The following FANCI variants were observed in gnomAD, a reference collection of about 807,000 sequenced individuals.
FANCI encodes Fanconi anemia group I protein.
Under a neutral mutation model 176.1 loss-of-function variants are expected in FANCI, and 156 were observed. The observed-to-expected ratio is 0.89, with a 90% CI of 0.78 to 1.01. FANCI has a LOEUF of 1.01. FANCI is among the 50% of genes least tolerant of loss of function. The pLI, the probability that FANCI is intolerant of heterozygous loss-of-function variation, is 0.00. For missense variants in FANCI, 1,678 were observed against 1,534.1 expected, an observed-to-expected ratio of 1.09 and a Z score of -1.57; for synonymous variants, 613 against 541.7, an observed-to-expected ratio of 1.13 and a Z score of -1.83.
At chr15:89,302,451 A>G (rs1213678741) in intron 27 of FANCI, among the ~76,000 whole-genome samples, 1 of 152,230 alleles carries the variant, frequency 6.6e-6, no homozygotes. Flanking sequence ...AAATGGATTT[A>G]GGAAGGCTAA....
chr15:89,310,423 A>G (rs2054908824), intron 34 of FANCI, among the ~76,000 whole-genome samples: 1 of 152,028 alleles, frequency 6.6e-6, no homozygotes, highest in Non-Finnish European at 1.5e-5. Flanking sequence ...ATTTTCAAGC[A>G]TTTTCTTCTG....
At chr15:89,248,626 T>C (rs2052095653) in intron 2 of FANCI, among the ~76,000 whole-genome samples, 1 of 152,228 alleles carries the variant, frequency 6.6e-6, no homozygotes. Context: ...CAAGATTTGA[T>C]TGAAACTAGC....
intron 2 of FANCI, among the ~76,000 whole-genome samples, chr15:89,257,451 A>G (rs1010748646): frequency 2.6e-5 from 4 of 152,166 alleles, no homozygotes; most frequent in Non-Finnish European, 4.4e-5. Flanking sequence ...TTTGAGGGCT[A>G]TGAGAATTTG....
intron 24 of FANCI, among the ~76,000 whole-genome samples, chr15:89,299,362 A>C (rs965564275): frequency 4.6e-5 from 7 of 152,166 alleles, no homozygotes; most frequent in Admixed American, 6.5e-5. Context: ...TTCTTCCAGG[A>C]AATAGGAGAG....
Position 89,295,097 on chromosome 15 carries a change from A to G in FANCI, c.2636+3A>G, listed in dbSNP as rs2054202681. 1.9e-6 allele frequency: 3 copies of G among 1,551,238 alleles called. No individual in the cohort carries two copies. The highest frequency in any genetic ancestry group is 2.6e-6 in the Non-Finnish European group (3 of 1,146,910). The stretch of plus-strand genomic sequence containing the variant: ...CAGAACCTCTGTGACATAACTCGGT[A>G]AGCCACTCCCACCCCTTAGAAACTT... On this transcript the variant is annotated splice_donor_region_variant and intron_variant, in intron 24 of 37. Coordinates refer to ENST00000310775, the MANE Select transcript of FANCI (RefSeq NM_001113378.2).
At chr15:89,311,466 G>C (rs946761378) in intron 34 of FANCI, among the ~76,000 whole-genome samples, 1 of 152,024 alleles carries the variant, frequency 6.6e-6, no homozygotes, top group Non-Finnish European at 1.5e-5. Context: ...CTGCCCGCCC[G>C]GATCAGTTGG....
chr15:89,315,444 C>T, intron 37 of FANCI, 55 bp downstream of exon 37: 1 of 1,244,138 alleles, frequency 8.0e-7, no homozygotes, highest in Non-Finnish European at 1.2e-6. Flanking sequence ...GGTTAGCAGC[C>T]TATCTGGGAG....
chr15:89,301,212 G>T, intron 26 of FANCI, 114 bp from the exon 27 acceptor site: 1 of 790,940 alleles, frequency 1.3e-6, no homozygotes, highest in Non-Finnish European at 2.3e-6. Flanking sequence ...TTAGAATTTT[G>T]GTAGCTTTGA....
rs1412967316 is a variant in FANCI at position 89,312,907 on chromosome 15, A to G, written c.3655A>G (p.Lys1219Glu). Reference protein sequence around the residue: ...CYSFISYVQNKSKSLNYTGEK... With the variant: ...CYSFISYVQNESKSLNYTGEK... ...GAATGTGTTTCTATTTCTTTAGAAT[A>G]AGAGTAAGAGCCTGAACTATACGGG... Residue 1219 changes from lysine to glutamate, a missense_variant, in exon 35 of 38, where the codon AAG becomes GAG. By Grantham distance (56) the Lys-to-Glu change is moderately conservative. Around this residue, in one of 3 missense-constraint regions of FANCI, gnomAD observed 1,204 missense variants for 1,077.4 expected, o/e 1.12. Transcript: ENST00000310775. 6.2e-7 allele frequency: 1 copy of G among 1,612,732 alleles called. No individual in the cohort carries two copies. The highest frequency in any genetic ancestry group is 8.5e-7 in the Non-Finnish European group (1 of 1,178,800).
intron 24 of FANCI, among the ~76,000 whole-genome samples, chr15:89,297,178 G>GGGC (rs1555448507): frequency 6.7e-6 from 1 of 149,530 alleles, no homozygotes; most frequent in Non-Finnish European, 1.5e-5. Flanking sequence ...CCGGGCAGAG[G>GGGC]TGCTCCTCAC....
intron 17 of FANCI, 91 bp from the exon 18 acceptor site, chr15:89,285,005 A>C (rs2053760723): frequency 6.4e-7 from 1 of 1,560,600 alleles, no homozygotes; most frequent in African/African-American, 1.4e-5. Flanking sequence ...GAGGAAGCTA[A>C]GTTTTTTCGA....
Position 89,293,894 on chromosome 15 carries a change from C to G in FANCI, c.2353C>G (p.Leu785Val). The change falls in exon 23 of 38, where the codon CTT (leucine) becomes GTT (valine). Residue 785 changes from leucine to valine, a missense_variant. Transcript: ENST00000310775. ...FMCYKKLSDI[L>V]NEKAGKAKTK... is the part of the protein sequence containing the mutation. ...GTGTTACAAAAAACTCTCTGACATT[C>G]TTAATGAAAAAGCGGGTAAAGCCAA... 6.2e-7 allele frequency: 1 copy of G among 1,614,072 alleles called. No individual in the cohort carries two copies. Among genetic ancestry groups the G allele is most frequent in the Non-Finnish European group, 8.5e-7 (1 of 1,179,982 alleles).
intron 27 of FANCI, among the ~76,000 whole-genome samples, chr15:89,303,419 CCTT>C: frequency 6.6e-6 from 1 of 152,058 alleles, no homozygotes; most frequent in Non-Finnish European, 1.5e-5. Flanking sequence ...TTTTTTCTGC[CCTT>C]CTCTCTTCTA....
intron 3 of FANCI, among the ~76,000 whole-genome samples, chr15:89,259,682 A>G (rs1263844054): frequency 6.6e-6 from 1 of 152,156 alleles, no homozygotes; most frequent in African/African-American, 2.4e-5. Context: ...CTAAGAAACC[A>G]CGAATCTACT....
At position 89,305,022 on chromosome 15, in the gene FANCI, C is replaced by T. The variant is rs61166768; in HGVS notation, c.3059-93C>T. Reference sequence around the variant, plus strand: ...AATTCCTGACCTCAGGTGATCCACCCGCCTTGGCCTCCCAAAGTGCTGGGA... The same window carrying T: ...AATTCCTGACCTCAGGTGATCCACCTGCCTTGGCCTCCCAAAGTGCTGGGA... On this transcript the variant is annotated intron_variant, in intron 28 of 37. Coordinates refer to ENST00000310775, the MANE Select transcript of FANCI (RefSeq NM_001113378.2). 8.4e-4 allele frequency: 1,239 copies of T among 1,475,600 alleles called. 12 individuals are homozygous for T. In the African/African-American group the frequency reaches 0.014, roughly 17 times the overall value. The allele number at this position is 1,475,600 out of a possible 1,614,324, so 91.4% of individuals were successfully genotyped here.
At chr15:89,253,891 A>G (rs1296730337) in intron 2 of FANCI, among the ~76,000 whole-genome samples, 3 of 142,464 alleles carry the variant, frequency 2.1e-5, no homozygotes, top group Admixed American at 7.0e-5. Flanking sequence ...AATATGCTCA[A>G]CTTCACTCAT....
In FANCI at chr15:89,260,714, T is replaced by C. The variant is rs1460295573; in HGVS notation, c.159T>C (p.Gly53=). 2.5e-6 allele frequency: 4 copies of C among 1,613,488 alleles called. No individual in the cohort carries two copies. The highest frequency in any genetic ancestry group is 1.7e-5 in the Admixed American group (1 of 59,982). ...AGALLRAIFK[G]SPCSEEAGTL... is the part of the protein sequence containing the mutation. ...GAACCCCCTGTTTAAAACAATAAGG[T>C]TCCCCCTGCTCTGAGGAAGCTGGAA... The change falls in exon 4 of 38, where the codon GGT becomes GGC. Residue 53 remains glycine, a splice_region_variant and synonymous_variant. Transcript: ENST00000310775.
chr15:89,257,853 C>T (rs539113897), intron 2 of FANCI, among the ~76,000 whole-genome samples: 2 of 152,096 alleles, frequency 1.3e-5, no homozygotes, highest in African/African-American at 2.4e-5. Context: ...CACTCTTAAA[C>T]CCCCATAACT....
At position 89,293,896 on chromosome 15, in the gene FANCI, T is replaced by A; in HGVS notation, c.2355T>A (p.Leu785=). The A allele has an allele frequency of 6.2e-7, 1 of 1,614,162 alleles. No individual in the cohort carries two copies. The highest frequency in any genetic ancestry group is 8.5e-7 in the Non-Finnish European group (1 of 1,180,002). ...GTTACAAAAAACTCTCTGACATTCTTAATGAAAAAGCGGGTAAAGCCAAAA... is the reference window on the plus strand; with the variant it reads ...GTTACAAAAAACTCTCTGACATTCTAAATGAAAAAGCGGGTAAAGCCAAAA... ...FMCYKKLSDI[L]NEKAGKAKTK... Residue 785 remains leucine, a synonymous_variant, in exon 23 of 38, where the codon CTT becomes CTA. Coordinates refer to ENST00000310775, the MANE Select transcript of FANCI (RefSeq NM_001113378.2).
Sources: allele counts gnomAD v4.1 joint callset (sites outside exome capture counted in the v4.1 genomes callset), GRCh38; gene constraint gnomAD v4.1.1; regional missense constraint gnomAD v4.1.1; transcripts MANE v1.5; gene names NCBI Gene and HGNC (gene_info 2026-07-23, HGNC 2026-07-21).